KCNG2: variants seen among roughly 807,000 people sequenced by gnomAD.
KCNG2 encodes potassium voltage-gated channel modifier subfamily G member 2.
A neutral mutation model predicts 12.3 loss-of-function variants in KCNG2; 7 were observed. That is an observed-to-expected ratio of 0.57 (90% CI 0.32 to 1.07). The LOEUF (loss-of-function observed/expected upper bound fraction) is 1.07. KCNG2 is among the 50% of genes least tolerant of loss of function. The pLI is 0.04. For synonymous variants in KCNG2, 414 were observed against 351.4 expected, an observed-to-expected ratio of 1.18 and a Z score of -1.99; for missense variants, 703 against 726.0, an observed-to-expected ratio of 0.97 and a Z score of 0.36.
chr18:79,805,914 G>A (rs562049192), intron 1 of KCNG2, among the ~76,000 whole-genome samples: 27 of 152,266 alleles, frequency 1.8e-4, no homozygotes, highest in East Asian at 1.3e-3. Context: ...ACAGGGCAGA[G>A]CCAAGAAAAA....
In KCNG2 at chr18:79,822,319, C is replaced by T. The variant is rs748155324; in HGVS notation, c.-115+24305C>T. ...CTTTAAAACCCCACTCAGATGTCAC[C>T]GCGTTCTTCATACTAGAGCCACGGT... On this transcript the variant is annotated intron_variant, in intron 1 of 3. Coordinates refer to ENST00000316249, the MANE Select transcript of KCNG2 (RefSeq NM_012283.2). This position sits in a 1 kb window ranked among gnomAD's most constrained non-coding sequence, Gnocchi z 4.4. Among the ~76,000 whole-genome samples the T allele has an allele frequency of 8.5e-5, 13 of 152,280 alleles. No individual in the cohort carries two copies. The highest frequency in any genetic ancestry group is 2.4e-4 in the African/African-American group (10 of 41,552).
chr18:79,882,860 C>T (rs1207163897), intron 3 of KCNG2, among the ~76,000 whole-genome samples: 3 of 150,972 alleles, frequency 2.0e-5, no homozygotes, highest in Non-Finnish European at 4.4e-5. Context: ...GCGCGGAGGC[C>T]GGGTACACCT....
At position 79,899,831 on chromosome 18, in the gene KCNG2, A is replaced by T; in HGVS notation, c.*15A>T. 1 of 1,347,868 alleles carries T rather than the reference A, an allele frequency of 7.4e-7. No individual in the cohort carries two copies. Among genetic ancestry groups the T allele is most frequent in the African/African-American group, 1.5e-5 (1 of 65,544 alleles). The allele number at this position is 1,347,868 out of a possible 1,614,324, so 83.5% of individuals were successfully genotyped here. On this transcript the variant is annotated 3_prime_UTR_variant, in exon 4 of 4. Transcript: ENST00000316249. ...CAGGGCGCTGACGCCTGCGCCGCCC[A>T]CACGGAGACCCCCTGCCCCCTCCAG...
At chr18:79,809,321 G>T (rs371101492) in intron 1 of KCNG2, among the ~76,000 whole-genome samples, 18 of 57,246 alleles carry the variant, frequency 3.1e-4, no homozygotes, top group Non-Finnish European at 3.6e-4. Context: ...CCCAGAGTCC[G>T]CGCTCTGAGG....
intron 1 of KCNG2, among the ~76,000 whole-genome samples, chr18:79,829,734 C>T (rs1000223303): frequency 6.6e-6 from 1 of 152,206 alleles, no homozygotes. Context: ...CACTTGGGCT[C>T]AGGGCCTGTG....
intron 1 of KCNG2, among the ~76,000 whole-genome samples, chr18:79,853,377 A>G (rs1465408923): frequency 6.6e-6 from 1 of 152,052 alleles, no homozygotes; most frequent in Non-Finnish European, 1.5e-5. Flanking sequence ...CCATGGGGTG[A>G]GGGGTCACCG....
chr18:79,873,873 A>G (rs1366245507), intron 3 of KCNG2, among the ~76,000 whole-genome samples: 1 of 152,242 alleles, frequency 6.6e-6, no homozygotes, highest in African/African-American at 2.4e-5. Flanking sequence ...CCAGCCTGTG[A>G]GAGGCGCTGG....
At chr18:79,809,308 G>C (rs1237183864) in intron 1 of KCNG2, among the ~76,000 whole-genome samples, 4 of 87,546 alleles carry the variant, frequency 4.6e-5, no homozygotes, top group African/African-American at 1.5e-4. Context: ...TCCACGTTAT[G>C]GGCCCAGAGT....
Position 79,875,633 on chromosome 18 carries a change from G to A in KCNG2, c.624+11342G>A, listed in dbSNP as rs563958494. ...CACCACAGACCTTCCCGCCCTACAC[G>A]GCAGCACCGCAGACCCTGGCACGGG... On this transcript the variant is annotated intron_variant, in intron 3 of 3. Transcript: ENST00000316249. Among the ~76,000 whole-genome samples, 7 of 152,282 alleles carry A rather than the reference G, an allele frequency of 4.6e-5. No individual in the cohort carries two copies. In the East Asian group the frequency reaches 1.4e-3, roughly 29 times the overall value.
At position 79,869,481 on chromosome 18, in the gene KCNG2, C is replaced by T. The variant is rs117110011; in HGVS notation, c.624+5190C>T. On this transcript the variant is annotated intron_variant, in intron 3 of 3. Transcript: ENST00000316249. The stretch of plus-strand genomic sequence containing the variant: ...TTGTTGAGTCTGAGCCCACAGGGGA[C>T]GCACTGGCCCACAGATGTGCTGGGA... Among the ~76,000 whole-genome samples the T allele has an allele frequency of 6.1e-4, 93 of 152,242 alleles. 1 individual carries two copies. In the South Asian group the frequency reaches 1.0e-2, roughly 16 times the overall value.
rs541833565 is a variant in KCNG2, at chr18:79,800,011, C to T, written c.-115+1997C>T. Among the ~76,000 whole-genome samples, 7 of 152,302 alleles carry T rather than the reference C, an allele frequency of 4.6e-5. No homozygotes were observed. In the South Asian group the frequency reaches 1.5e-3, roughly 32 times the overall value. On this transcript the variant is annotated intron_variant, in intron 1 of 3. Transcript: ENST00000316249. This position sits in a 1 kb window ranked among gnomAD's most constrained non-coding sequence, Gnocchi z 4.0. ...GAATGTCTCGGGAGGATCTGCGCAGCTTTGTTGTTCTTTTGTCTGATGGTT... is the reference window on the plus strand; with the variant it reads ...GAATGTCTCGGGAGGATCTGCGCAGTTTTGTTGTTCTTTTGTCTGATGGTT...
chr18:79,888,754 A>G lies in KCNG2; in HGVS notation c.625-10286A>G, dbSNP rs527969959. On this transcript the variant is annotated intron_variant, in intron 3 of 3. Transcript: ENST00000316249. ...CGCCCAGGTGATCTCAGCTTACTGC[A>G]ATCTCCACCTCCCAGGTTCAAGCAA... Among the ~76,000 whole-genome samples the G allele has an allele frequency of 4.3e-4, 65 of 152,058 alleles. 1 individual carries two copies. Among genetic ancestry groups the G allele is most frequent in the African/African-American group, 1.4e-3 (60 of 41,470 alleles).
At chr18:79,883,321 C>G (rs1189257119) in intron 3 of KCNG2, among the ~76,000 whole-genome samples, 3 of 152,164 alleles carry the variant, frequency 2.0e-5, no homozygotes, top group Non-Finnish European at 4.4e-5. Flanking sequence ...CTTTGCGCTG[C>G]GTTTTCGCGG....
intron 1 of KCNG2, among the ~76,000 whole-genome samples, chr18:79,798,508 G>T (rs1342428343): frequency 2.6e-5 from 4 of 152,212 alleles, no homozygotes; most frequent in Non-Finnish European, 5.9e-5. Flanking sequence ...GGGTGTGGGC[G>T]AATGCTCGGC....
rs1568271450 is a variant in KCNG2 at position 79,886,948 on chromosome 18, AG to A, written c.625-12089del. 0.014 allele frequency among the ~76,000 whole-genome samples: 95 copies of A among 6,866 alleles called. 33 individuals are homozygous for A. In the East Asian group the frequency reaches 0.62, roughly 45 times the overall value. The allele number at this position is 6,866 out of a possible 152,430, so 4.5% of individuals were successfully genotyped here. A position where few individuals can be genotyped will look rare whatever the true frequency, so the allele number is the denominator to read the frequency against. ...GATGGGAACATAGGGACGTGGGGAC[AG>A]GGACATGGGGACACAAGACAGGGAG... On this transcript the variant is annotated intron_variant, in intron 3 of 3. Transcript: ENST00000316249.
Position 79,801,509 on chromosome 18 carries a change from G to A in KCNG2, c.-115+3495G>A, listed in dbSNP as rs555121060. ...CGGCAAGGAGGGGACGCACATGCTG[G>A]GCCCGGGAGCCCTCCGAGGCAGTTC... is the stretch of plus-strand genomic sequence containing the variant. On this transcript the variant is annotated intron_variant, in intron 1 of 3. Coordinates refer to ENST00000316249, the MANE Select transcript of KCNG2 (RefSeq NM_012283.2). 4.6e-5 allele frequency among the ~76,000 whole-genome samples: 7 copies of A among 152,358 alleles called. No homozygotes were observed. In the South Asian group the frequency reaches 1.4e-3, roughly 32 times the overall value.
intron 1 of KCNG2, among the ~76,000 whole-genome samples, chr18:79,825,826 G>GA (rs1249273015): frequency 6.6e-6 from 1 of 152,168 alleles, no homozygotes; most frequent in Non-Finnish European, 1.5e-5. Flanking sequence ...ACAGAAAAAA[G>GA]AAAGTAAAAA....
intron 2 of KCNG2, among the ~76,000 whole-genome samples, chr18:79,858,053 C>T (rs927318873): frequency 7.2e-5 from 11 of 152,072 alleles, no homozygotes; most frequent in Admixed American, 6.6e-5. Context: ...CAGGCTGGAG[C>T]GCAGTGGCGT....
chr18:79,882,827 GGCCGGGT>G (rs1980361129), intron 3 of KCNG2, among the ~76,000 whole-genome samples: 2 of 151,520 alleles, frequency 1.3e-5, no homozygotes, highest in Admixed American at 1.3e-4. Context: ...GGAGCGCGGA[GGCCGGGT>G]ACACCTGCGC....
Sources: gnomAD v4.1 joint callset for allele counts (sites outside exome capture counted in the v4.1 genomes callset) on GRCh38, gnomAD v4.1.1 for gene constraint, Gnocchi (gnomAD v3.1) non-coding constraint, MANE v1.5 for transcripts, NCBI Gene and HGNC (gene_info 2026-07-23, HGNC 2026-07-21) for gene names.